GRAMD4: variants seen among roughly 807,000 people sequenced by gnomAD.
The protein encoded by GRAMD4 is GRAM domain-containing protein 4.
A neutral mutation model predicts 83.9 loss-of-function variants in GRAMD4; 25 were observed. The observed-to-expected ratio is 0.30, with a 90% CI of 0.22 to 0.42. The LOEUF (loss-of-function observed/expected upper bound fraction) is 0.42, where lower values mean the gene tolerates loss of function less well. Among genes scored for constraint, GRAMD4 ranks in the 10% least tolerant of loss-of-function variants. The pLI is 1.00. For synonymous variants in GRAMD4, 336 were observed against 320.9 expected (o/e 1.05, Z -0.50); for missense variants, 593 against 788.7 (o/e 0.75, Z 2.97).
At chr22:46,676,875 AC>A (rs2082606962) in intron 18 of GRAMD4, among the ~76,000 whole-genome samples, 5 of 152,208 alleles carry the variant, frequency 3.3e-5, no homozygotes, top group Admixed American at 3.3e-4. Flanking sequence ...GAGTCACCGG[AC>A]AGACAGGGAT....
chr22:46,657,715 G>A (rs960940607), intron 3 of GRAMD4, among the ~76,000 whole-genome samples: 1 of 152,218 alleles, frequency 6.6e-6, no homozygotes, highest in Non-Finnish European at 1.5e-5. Flanking sequence ...AGCTTGAGCT[G>A]TGGGCTGTCC....
At chr22:46,600,587 G>C (rs2081303040) in intron 1 of GRAMD4, among the ~76,000 whole-genome samples, 1 of 152,150 alleles carries the variant, frequency 6.6e-6, no homozygotes, top group Admixed American at 6.5e-5. Context: ...CACAGACAGT[G>C]CACAGGCAGG....
At chr22:46,614,642 C>T (rs2081451508) in intron 1 of GRAMD4, among the ~76,000 whole-genome samples, 1 of 152,222 alleles carries the variant, frequency 6.6e-6, no homozygotes, top group Admixed American at 6.5e-5. Context: ...TTCATGAAAG[C>T]ATTCTGTGGG....
intron 1 of GRAMD4, among the ~76,000 whole-genome samples, chr22:46,610,996 A>G (rs1479065546): frequency 1.3e-5 from 2 of 151,878 alleles, no homozygotes; most frequent in Non-Finnish European, 2.9e-5. Flanking sequence ...TGGGGGATCA[A>G]GTGAGGTCAG....
intron 1 of GRAMD4, among the ~76,000 whole-genome samples, chr22:46,609,528 T>C (rs1569257949): frequency 6.6e-6 from 1 of 152,168 alleles, no homozygotes; most frequent in Non-Finnish European, 1.5e-5. Context: ...GCCATGTGGG[T>C]TTACTTCTGT....
At chr22:46,658,412 ATT>A (rs917706987) in intron 4 of GRAMD4, 105 bp downstream of exon 4, 197 of 1,172,990 alleles carry the variant, frequency 1.7e-4, no homozygotes, top group Non-Finnish European at 2.2e-4. Flanking sequence ...TGGCAGCATC[ATT>A]CTTGGCCCTG....
At chr22:46,629,731 A>G (rs2081737629) in intron 2 of GRAMD4, among the ~76,000 whole-genome samples, 1 of 152,202 alleles carries the variant, frequency 6.6e-6, no homozygotes, top group Admixed American at 6.5e-5. Context: ...GCATATTTAC[A>G]ATGCTGTGCT....
At chr22:46,618,558 G>A (rs1282681947), upstream of GRAMD4, among the ~76,000 whole-genome samples, 3 of 152,112 alleles carry the variant, frequency 2.0e-5, no homozygotes, top group Non-Finnish European at 2.9e-5. This position sits in a 1 kb window ranked among gnomAD's most constrained non-coding sequence, Gnocchi z 5.8. Flanking sequence ...GGGAGCAGCC[G>A]TGTTGACCCG....
intron 1 of GRAMD4, among the ~76,000 whole-genome samples, chr22:46,615,016 C>T (rs75351658): frequency 6.3e-5 from 5 of 79,396 alleles, no homozygotes; most frequent in Admixed American, 1.3e-4. Context: ...TTCCCCTGTG[C>T]GTGTGGGTTC....
rs1316255728 is a variant in GRAMD4, at chr22:46,658,208, G to C, written c.305G>C (p.Arg102Pro). 6.2e-7 allele frequency: 1 copy of C among 1,613,780 alleles called. No individual in the cohort carries two copies. Among genetic ancestry groups the C allele is most frequent in the Admixed American group, 1.7e-5 (1 of 60,018 alleles). The change falls in exon 4 of 19, where the codon CGA becomes CCA. Residue 102 changes from arginine to proline, a missense_variant. Around this residue, in one of 4 missense-constraint regions of GRAMD4, gnomAD observed 312 missense variants for 350.7 expected, o/e 0.89. Coordinates refer to ENST00000406902, the MANE Select transcript of GRAMD4 (RefSeq NM_015124.5). ...ATAGAGGAGGAGCTCCGGAAGCTGCGAGAAGAAACCAACGCGGAGATGCTG... is the reference window on the plus strand; with the variant it reads ...ATAGAGGAGGAGCTCCGGAAGCTGCCAGAAGAAACCAACGCGGAGATGCTG... The part of the protein sequence containing the change: ...HFLQEELRKL[R>P]EETNAEMLRQ...
intron 1 of GRAMD4, among the ~76,000 whole-genome samples, chr22:46,580,030 G>C (rs1242552013): frequency 6.6e-6 from 1 of 152,198 alleles, no homozygotes; most frequent in Non-Finnish European, 1.5e-5. Flanking sequence ...CCTGCAAGGC[G>C]GCCCAAGAGG....
intron 2 of GRAMD4, among the ~76,000 whole-genome samples, chr22:46,635,043 C>A (rs1413606732): frequency 6.6e-6 from 1 of 152,254 alleles, no homozygotes; most frequent in African/African-American, 2.4e-5. Context: ...TGTCCTTCGT[C>A]CCTTTGTGGT....
chr22:46,663,997 C>G (rs1407881583), intron 7 of GRAMD4, 29 bp from the exon 8 acceptor site: 2 of 1,579,210 alleles, frequency 1.3e-6, no homozygotes, highest in Non-Finnish European at 8.7e-7. Flanking sequence ...ACCCACAGTG[C>G]TGACCACTGT....
At chr22:46,584,435 G>A (rs1354364749) in intron 1 of GRAMD4, among the ~76,000 whole-genome samples, 1 of 152,130 alleles carries the variant, frequency 6.6e-6, no homozygotes. Flanking sequence ...AGTTCGCGCC[G>A]CTGATGAACT....
At chr22:46,682,182 G>A (rs1343264906), downstream of GRAMD4, among the ~76,000 whole-genome samples, 1 of 152,206 alleles carries the variant, frequency 6.6e-6, no homozygotes, top group Non-Finnish European at 1.5e-5. Flanking sequence ...ATCACAGAGG[G>A]GCAGCTGGGG....
chr22:46,664,193 T>A (rs2082374249), intron 8 of GRAMD4, 76 bp downstream of exon 8: 1 of 1,047,992 alleles, frequency 9.5e-7, no homozygotes, highest in Admixed American at 1.7e-5. Context: ...TCAGGCACCT[T>A]CCCAGGGTGG....
rs530787253 is a variant in GRAMD4, at chr22:46,588,327, T to G, written c.-50+11037T>G. Among the ~76,000 whole-genome samples the G allele has an allele frequency of 2.0e-5, 3 of 152,296 alleles. No individual in the cohort carries two copies. In the South Asian group the frequency reaches 6.2e-4, roughly 32 times the overall value. The stretch of plus-strand genomic sequence containing the variant: ...GCTGAGGTCAGCACACCTCCGTCCC[T>G]GTCTGGCTGTCCGTCTTCCATCCCT... On this transcript the variant is annotated intron_variant, in intron 1 of 1. Transcript: ENST00000431155.
At chr22:46,679,995 C>T (rs73888607), downstream of GRAMD4, among the ~76,000 whole-genome samples, 3,041 of 152,274 alleles carry the variant, frequency 0.02, 94 homozygotes, top group African/African-American at 0.07. Context: ...TCCTGTTGGA[C>T]GTGGGCATTG....
Position 46,679,498 on chromosome 22 carries a change from G to A in GRAMD4, c.*2247G>A. 1 of 985,620 alleles carries A rather than the reference G, an allele frequency of 1.0e-6. No individual in the cohort carries two copies. Among genetic ancestry groups the A allele is most frequent in the Non-Finnish European group, 1.2e-6 (1 of 829,880 alleles). The allele number at this position is 985,620 out of a possible 1,614,324, so 61.1% of individuals were successfully genotyped here. A position where few individuals can be genotyped will look rare whatever the true frequency, so the allele number is the denominator to read the frequency against. ...TCTGGGCTCCCCGTGGAGAGAAGCT[G>A]TAGTTTTTACCAAATTGTGTACATC... On this transcript the variant is annotated 3_prime_UTR_variant, in exon 19 of 19. Coordinates refer to ENST00000406902, the MANE Select transcript of GRAMD4 (RefSeq NM_015124.5).
Sources: gnomAD v4.1 joint callset for allele counts (sites outside exome capture counted in the v4.1 genomes callset) on GRCh38, gnomAD v4.1.1 for gene constraint, gnomAD v4.1.1 regional missense constraint, Gnocchi (gnomAD v3.1) non-coding constraint, MANE v1.5 for transcripts, NCBI Gene and HGNC (gene_info 2026-07-23, HGNC 2026-07-21) for gene names.